Variants in ADAM32 observed in about 807,000 individuals in gnomAD.
ADAM32 encodes disintegrin and metalloproteinase domain-containing protein 32.
ADAM32 carries 89 observed loss-of-function variants against 114.9 expected under a neutral mutation model. The ratio of observed to expected loss-of-function variants is 0.77; its 90% CI spans 0.65 to 0.92. The LOEUF (loss-of-function observed/expected upper bound fraction) is 0.92, where lower values mean the gene tolerates loss of function less well. Among genes scored for constraint, ADAM32 ranks in the 40% least tolerant of loss-of-function variants. ADAM32 has a pLI of 0.00. For synonymous variants in ADAM32, 285 were observed against 307.5 expected, an observed-to-expected ratio of 0.93 and a Z score of 0.77; for missense variants, 870 against 932.8, an observed-to-expected ratio of 0.93 and a Z score of 0.88.
At chr8:39,252,686 A>G (rs1446439124) in intron 17 of ADAM32, among the ~76,000 whole-genome samples, 1 of 151,580 alleles carries the variant, frequency 6.6e-6, no homozygotes, top group Admixed American at 6.6e-5. Flanking sequence ...TAGGTAAAAT[A>G]GCAAGAAAAA....
intron 19 of ADAM32, among the ~76,000 whole-genome samples, chr8:39,266,419 C>T (rs1052091195): frequency 6.6e-6 from 1 of 152,186 alleles, no homozygotes; most frequent in Non-Finnish European, 1.5e-5. Context: ...GGTCTTCAAG[C>T]TCTGAGATTC....
In ADAM32 at chr8:39,155,963, G is replaced by A. The variant is rs143725927; in HGVS notation, c.525+4415G>A. On this transcript the variant is annotated intron_variant, in intron 6 of 24. Coordinates refer to ENST00000379907, the MANE Select transcript of ADAM32 (RefSeq NM_145004.7). Reference sequence around the variant, plus strand: ...GTATACAAAACGCTGCTGCTATACAGCTTTGTCTTCTTTATGTTTTTATTA... The same window carrying A: ...GTATACAAAACGCTGCTGCTATACAACTTTGTCTTCTTTATGTTTTTATTA... Among the ~76,000 whole-genome samples, 94 of 151,928 alleles carry A rather than the reference G, an allele frequency of 6.2e-4. 1 individual carries two copies. Among genetic ancestry groups the A allele is most frequent in the African/African-American group, 2.2e-3 (92 of 41,448 alleles).
chr8:39,122,018 T>C (rs1840609002), intron 2 of ADAM32, among the ~76,000 whole-genome samples: 1 of 152,238 alleles, frequency 6.6e-6, no homozygotes, highest in African/African-American at 2.4e-5. Context: ...AGCTATTCTA[T>C]GCCTGTTCTA....
chr8:39,235,767 T>C (rs1810094479), intron 16 of ADAM32, among the ~76,000 whole-genome samples: 1 of 152,166 alleles, frequency 6.6e-6, no homozygotes, highest in African/African-American at 2.4e-5. Context: ...AGACAGTAGA[T>C]ACTATATTCC....
At chr8:39,184,418 C>G (rs1806094047) in intron 10 of ADAM32, among the ~76,000 whole-genome samples, 1 of 152,120 alleles carries the variant, frequency 6.6e-6, no homozygotes, top group African/African-American at 2.4e-5. Flanking sequence ...AATAGTAGGA[C>G]ATATCTGAAG....
chr8:39,132,835 G>A (rs1291250968), intron 2 of ADAM32, among the ~76,000 whole-genome samples: 1 of 151,242 alleles, frequency 6.6e-6, no homozygotes, highest in Admixed American at 6.6e-5. Flanking sequence ...GCCACTAATT[G>A]TATTAATGCA....
Position 39,118,075 on chromosome 8 carries a change from T to TA in ADAM32, c.59-10dup, listed in dbSNP as rs545103373. On this transcript the variant is annotated splice_polypyrimidine_tract_variant and intron_variant, in intron 1 of 24. Transcript: ENST00000379907. ...AAGGTTACTAACTTTTTTTTTTTTT[T>TA]ATCTCTTCAGGTTTTCAAAATTCAC... 1.4e-4 allele frequency: 201 copies of TA among 1,423,534 alleles called. No homozygotes were observed. In the East Asian group the frequency reaches 2.3e-3, roughly 16 times the overall value. 88.2% of individuals were successfully genotyped at this position (1,423,534 alleles called of 1,614,324 possible). A position where few individuals can be genotyped will look rare whatever the true frequency, so the allele number is the denominator to read the frequency against.
At chr8:39,284,680 C>CT in intron 24 of ADAM32, 113 bp from the exon 25 acceptor site, 2 of 1,169,010 alleles carry the variant, frequency 1.7e-6, no homozygotes, top group Non-Finnish European at 2.5e-6. Flanking sequence ...TTCAATAATT[C>CT]TTTTTTTCGT....
chr8:39,151,689 T>TTC, intron 6 of ADAM32, 141 bp downstream of exon 6: 1 of 673,324 alleles, frequency 1.5e-6, no homozygotes, highest in Non-Finnish European at 2.2e-6. Context: ...TTTTTTTTTT[T>TTC]TTCTCACTCT....
chr8:39,154,610 G>T (rs1804028834), intron 6 of ADAM32, among the ~76,000 whole-genome samples: 1 of 152,152 alleles, frequency 6.6e-6, no homozygotes, highest in African/African-American at 2.4e-5. Flanking sequence ...TTGAGGAATT[G>T]CCACACTGTC....
At chr8:39,164,103 C>G (rs186097899) in intron 7 of ADAM32, among the ~76,000 whole-genome samples, 2 of 152,166 alleles carry the variant, frequency 1.3e-5, no homozygotes, top group South Asian at 2.1e-4. Flanking sequence ...AGTACCATCA[C>G]CACAGCACTC....
intron 6 of ADAM32, 127 bp downstream of exon 6, chr8:39,151,675 C>CTTTTTTTTTTT (rs11381154): frequency 2.4e-6 from 1 of 415,068 alleles, no homozygotes. Flanking sequence ...AACATCTTAT[C>CTTTTTTTTTTT]TTTTTTTTTT....
At chr8:39,108,958 T>C (rs925200669) in intron 1 of ADAM32, among the ~76,000 whole-genome samples, 1 of 152,212 alleles carries the variant, frequency 6.6e-6, no homozygotes, top group African/African-American at 2.4e-5. Context: ...AATCTCATCA[T>C]GAGGGTCCCA....
chr8:39,122,236 C>T (rs1840616309), intron 2 of ADAM32, among the ~76,000 whole-genome samples: 1 of 152,110 alleles, frequency 6.6e-6, no homozygotes, highest in Non-Finnish European at 1.5e-5. Context: ...TTGGGGGGCG[C>T]ACCATAGGGA....
chr8:39,207,686 C>T (rs1242007168), intron 11 of ADAM32, among the ~76,000 whole-genome samples: 1 of 152,184 alleles, frequency 6.6e-6, no homozygotes, highest in African/African-American at 2.4e-5. Flanking sequence ...TACACATTAA[C>T]CAACCTCTCC....
At chr8:39,187,156 C>T in intron 11 of ADAM32, 111 bp downstream of exon 11, 1 of 916,806 alleles carries the variant, frequency 1.1e-6, no homozygotes, top group East Asian at 2.7e-5. Context: ...GGACCAAATT[C>T]ACCAAGTATA....
intron 13 of ADAM32, among the ~76,000 whole-genome samples, 154 bp from the exon 14 acceptor site, chr8:39,222,886 T>G (rs1809078016): frequency 6.6e-6 from 1 of 152,120 alleles, no homozygotes; most frequent in Non-Finnish European, 1.5e-5. Flanking sequence ...ATTTATATTT[T>G]TATATTATTA....
chr8:39,195,143 T>C (rs1684538950), intron 11 of ADAM32, among the ~76,000 whole-genome samples: 1 of 152,232 alleles, frequency 6.6e-6, no homozygotes, highest in African/African-American at 2.4e-5. Flanking sequence ...GTCTTCCCTC[T>C]GTCTGCTCTT....
chr8:39,155,007 C>T (rs1461907415), intron 6 of ADAM32, among the ~76,000 whole-genome samples: 1 of 151,898 alleles, frequency 6.6e-6, no homozygotes, highest in African/African-American at 2.4e-5. Context: ...GCAGAAAAGG[C>T]CTTTGATAAA....
Sources: gnomAD v4.1 joint callset for allele counts (sites outside exome capture counted in the v4.1 genomes callset) on GRCh38, gnomAD v4.1.1 for gene constraint, MANE v1.5 for transcripts, NCBI Gene and HGNC (gene_info 2026-07-23, HGNC 2026-07-21) for gene names.